The following SLC25A24 variants were observed in gnomAD, a reference collection of about 807,000 sequenced individuals.
SLC25A24 encodes solute carrier family 25 member 24.
In SLC25A24, 49 loss-of-function variants were observed where a neutral mutation model predicts 60.7. The observed-to-expected ratio is 0.81, with a 90% CI of 0.64 to 1.02. SLC25A24 has a LOEUF of 1.02. Among genes scored for constraint, SLC25A24 ranks in the 50% least tolerant of loss-of-function variants. SLC25A24 has a pLI of 0.00. For missense variants in SLC25A24, 564 were observed against 586.3 expected, an observed-to-expected ratio of 0.96 and a Z score of 0.39; for synonymous variants, 202 against 200.6, an observed-to-expected ratio of 1.01 and a Z score of -0.06.
chr1:108,182,458 C>T (rs1432261431), intron 2 of SLC25A24, among the ~76,000 whole-genome samples: 1 of 152,136 alleles, frequency 6.6e-6, no homozygotes, highest in African/African-American at 2.4e-5. Context: ...ATTTACTATG[C>T]AAAACATCAT....
intron 8 of SLC25A24, among the ~76,000 whole-genome samples, chr1:108,142,978 C>T (rs187602829): frequency 1.8e-4 from 27 of 152,256 alleles, no homozygotes; most frequent in Non-Finnish European, 3.1e-4. Context: ...TCATGTCTGT[C>T]GCAGCACAGA....
chr1:108,198,766 A>G (rs1275328307), intron 1 of SLC25A24: 1 of 152,184 alleles, frequency 6.6e-6, no homozygotes, highest in Non-Finnish European at 1.5e-5. Context: ...TGTGAGGAAC[A>G]CAGTTGACTT....
At chr1:108,149,073 A>C (rs182490938) in intron 6 of SLC25A24, among the ~76,000 whole-genome samples, 2 of 152,324 alleles carry the variant, frequency 1.3e-5, no homozygotes, top group African/African-American at 2.4e-5. Flanking sequence ...AGTTTTCACA[A>C]TGTTTGGATA....
intron 2 of SLC25A24, among the ~76,000 whole-genome samples, chr1:108,182,676 T>C (rs992606944): frequency 3.3e-5 from 5 of 151,754 alleles, no homozygotes; most frequent in African/African-American, 1.2e-4. Flanking sequence ...CTACTAAAAA[T>C]AGAAAAATCA....
At chr1:108,165,347 T>A (rs184273559) in intron 3 of SLC25A24, among the ~76,000 whole-genome samples, 48 of 152,326 alleles carry the variant, frequency 3.2e-4, no homozygotes, top group African/African-American at 1.1e-3. Flanking sequence ...CTGGGTATCC[T>A]TGTTGACTTT....
Position 108,148,315 on chromosome 1 carries a change from A to T in SLC25A24, c.894T>A (p.Ala298=). 6.2e-7 allele frequency: 1 copy of T among 1,612,914 alleles called. No individual in the cohort carries two copies. The highest frequency in any genetic ancestry group is 8.5e-7 in the Non-Finnish European group (1 of 1,178,886). The stretch of plus-strand genomic sequence containing the variant: ...ATATAAAAGTCTGTGCAGTTGCTCC[A>T]GCCATGGAACCAGAAATAAATCTCT... ...TFERFISGSM[A]GATAQTFIYP... Residue 298 remains alanine (A), a synonymous_variant, in exon 7 of 10, where the codon GCT becomes GCA. Coordinates refer to ENST00000565488, the MANE Select transcript of SLC25A24 (RefSeq NM_013386.5).
rs545269461 is a variant in SLC25A24 at position 108,194,077 on chromosome 1, A to G, written c.183+5879T>C. On this transcript the variant is annotated intron_variant, in intron 1 of 9. Coordinates refer to ENST00000565488, the MANE Select transcript of SLC25A24 (RefSeq NM_013386.5). ...AAAAAGTTGAATATTAAAATTCAAA[A>G]AGAAAATTTAATTTAGCCATTATCT... 3.6e-4 allele frequency among the ~76,000 whole-genome samples: 50 copies of G among 139,394 alleles called. 7 individuals are homozygous for G. The highest frequency in any genetic ancestry group is 4.9e-4 in the Admixed American group (6 of 12,308). 91.4% of individuals were successfully genotyped at this position (139,394 alleles called of 152,430 possible).
At chr1:108,187,563 C>CT (rs1325798233) in intron 1 of SLC25A24, among the ~76,000 whole-genome samples, 1 of 152,012 alleles carries the variant, frequency 6.6e-6, no homozygotes, top group East Asian at 1.9e-4. Context: ...CCTACAAAAA[C>CT]AACTTATTAA....
At chr1:108,151,027 C>G (rs1302943960) in intron 6 of SLC25A24, among the ~76,000 whole-genome samples, 1 of 152,072 alleles carries the variant, frequency 6.6e-6, no homozygotes, top group East Asian at 1.9e-4. Context: ...ACGGTGAAAC[C>G]TCACCTCTAC....
Position 108,200,016 on chromosome 1 carries a change from G to A in SLC25A24, c.123C>T (p.Ile41=), listed in dbSNP as rs370415850. Residue 41 remains isoleucine (I), a synonymous_variant, in exon 1 of 10, where the codon ATC becomes ATT. Coordinates refer to ENST00000565488, the MANE Select transcript of SLC25A24 (RefSeq NM_013386.5). ...LDRNGDGVVD[I]GELQEGLRNL... ...TCCTGAGCCCCTCCTGCAGCTCGCCGATGTCCACCACTCCGTCCCCATTGC... is the reference window on the plus strand; with the variant it reads ...TCCTGAGCCCCTCCTGCAGCTCGCCAATGTCCACCACTCCGTCCCCATTGC... 212 of 1,611,132 alleles carry A rather than the reference G, an allele frequency of 1.3e-4. No homozygotes were observed. Among genetic ancestry groups the A allele is most frequent in the Non-Finnish European group, 1.7e-4 (202 of 1,179,062 alleles).
intron 2 of SLC25A24, 70 bp from the exon 3 acceptor site, chr1:108,182,098 A>C (rs985991105): frequency 1.5e-5 from 16 of 1,037,062 alleles, no homozygotes; most frequent in Non-Finnish European, 2.4e-5. Context: ...TATGAATTTC[A>C]AATCTCTCAT....
chr1:108,166,295 T>C (rs1680250304), intron 3 of SLC25A24, among the ~76,000 whole-genome samples: 1 of 151,464 alleles, frequency 6.6e-6, no homozygotes, highest in Non-Finnish European at 1.5e-5. Flanking sequence ...TCTCAAGGAG[T>C]ATCTTTGTGG....
rs1679546532 is a variant in SLC25A24, at chr1:108,144,992, T to C, written c.931-1282A>G. Among the ~76,000 whole-genome samples, 4 of 152,338 alleles carry C rather than the reference T, an allele frequency of 2.6e-5. No individual in the cohort carries two copies. The South Asian group carries it at 8.3e-4, about 32-fold the overall frequency. On this transcript the variant is annotated intron_variant, in intron 7 of 9. Transcript: ENST00000565488. ...AACGGTATTTCTGGTTCTAGATCCT[T>C]GAGGAATTGCCACACTGTCTTCCAC... is the stretch of plus-strand genomic sequence containing the variant.
At chr1:108,142,042 A>G (rs145438197) in intron 8 of SLC25A24, among the ~76,000 whole-genome samples, 2 of 152,220 alleles carry the variant, frequency 1.3e-5, no homozygotes, top group Non-Finnish European at 2.9e-5. Flanking sequence ...AAAACTCAGC[A>G]CAAGAAGTAA....
chr1:108,139,252 C>G (rs763188792), intron 8 of SLC25A24, 44 bp from the exon 9 acceptor site: 6 of 1,542,572 alleles, frequency 3.9e-6, no homozygotes, highest in Non-Finnish European at 5.3e-6. Context: ...AACTCTACAA[C>G]TTCAACGTAA....
intron 4 of SLC25A24, among the ~76,000 whole-genome samples, chr1:108,160,898 C>T (rs1026940792): frequency 1.3e-5 from 2 of 152,040 alleles, no homozygotes; most frequent in African/African-American, 4.8e-5. Context: ...GAGATGGCAG[C>T]AGTACAGTCC....
chr1:108,141,510 CTGAGTA>C (rs1265089424), intron 8 of SLC25A24, among the ~76,000 whole-genome samples: 2 of 152,128 alleles, frequency 1.3e-5, no homozygotes, highest in Non-Finnish European at 2.9e-5. Flanking sequence ...AATTCCACTT[CTGAGTA>C]TATGTCAAAA....
intron 1 of SLC25A24, 77 bp from the exon 2 acceptor site, chr1:108,186,031 A>C: frequency 8.6e-7 from 1 of 1,168,654 alleles, no homozygotes; most frequent in Non-Finnish European, 1.2e-6. Context: ...TATTTCAAGC[A>C]GATTAGCTGT....
rs376441576 is a variant in SLC25A24 at position 108,155,159 on chromosome 1, T to G, written c.670-24A>C. On this transcript the variant is annotated intron_variant, in intron 5 of 9. Coordinates refer to ENST00000565488, the MANE Select transcript of SLC25A24 (RefSeq NM_013386.5). ...ACCTAAAAATAAAAGCAGAATGATA[T>G]AAAATGCTGGTGGCATATTACTATT... 8 of 1,599,830 alleles carry G rather than the reference T, an allele frequency of 5.0e-6. No homozygotes were observed. In the African/African-American group the frequency reaches 9.4e-5, roughly 19 times the overall value.
Sources: gnomAD v4.1 joint callset for allele counts (sites outside exome capture counted in the v4.1 genomes callset) on GRCh38, gnomAD v4.1.1 for gene constraint, MANE v1.5 for transcripts, NCBI Gene and HGNC (gene_info 2026-07-23, HGNC 2026-07-21) for gene names.